Variants in MYOF observed in about 807,000 individuals in gnomAD.
The protein encoded by MYOF is fer-1-like 3, myoferlin.
In MYOF, 244 loss-of-function variants were observed where a neutral mutation model predicts 284.2. The ratio of observed to expected loss-of-function variants is 0.86; its 90% confidence interval spans 0.77 to 0.95. The LOEUF is 0.95. MYOF is among the 40% of genes least tolerant of loss of function. The pLI, the probability that MYOF is intolerant of heterozygous loss-of-function variation, is 0.00. For missense variants in MYOF, 2,496 were observed against 2,560.6 expected, an observed-to-expected ratio of 0.97 and a Z score of 0.54; for synonymous variants, 904 against 919.7, an observed-to-expected ratio of 0.98 and a Z score of 0.31.
At chr10:93,471,448 G>A (rs1482312253) in intron 1 of MYOF, among the ~76,000 whole-genome samples, 1 of 152,156 alleles carries the variant, frequency 6.6e-6, no homozygotes, top group Non-Finnish European at 1.5e-5. Flanking sequence ...AGTTGGTTGT[G>A]TAGTCAGAGG....
intron 12 of MYOF, among the ~76,000 whole-genome samples, chr10:93,400,577 C>A (rs1235956896): frequency 6.6e-6 from 1 of 151,982 alleles, no homozygotes; most frequent in African/African-American, 2.4e-5. Flanking sequence ...AGCAGCAAAT[C>A]CTGAAGAGAT....
Position 93,327,186 on chromosome 10 carries a change from T to C in MYOF, c.5132-1221A>G, listed in dbSNP as rs1843087023. Among the ~76,000 whole-genome samples, 2 of 152,040 alleles carry C rather than the reference T, an allele frequency of 1.3e-5. 1 individual carries two copies. Among genetic ancestry groups the C allele is most frequent in the African/African-American group, 4.8e-5 (2 of 41,288 alleles). On this transcript the variant is annotated intron_variant, in intron 45 of 53. Transcript: ENST00000359263. ...CAGTCTCCCCTGCTGGAAAGGCCTG[T>C]GTAGGTGCTCTGGTCATCAGCCCCA...
At chr10:93,391,439 A>C (rs1424829667) in intron 17 of MYOF, among the ~76,000 whole-genome samples, 2 of 151,508 alleles carry the variant, frequency 1.3e-5, no homozygotes, top group African/African-American at 4.9e-5. Flanking sequence ...TAAAAACACA[A>C]AAAAAATTAG....
At chr10:93,426,209 G>A in intron 4 of MYOF, 51 bp from the exon 5 acceptor site, 1 of 1,525,874 alleles carries the variant, frequency 6.6e-7, no homozygotes, top group South Asian at 1.2e-5. Context: ...GCACCAGCAT[G>A]TTATAGACTC....
At chr10:93,309,048 T>G (rs907160858) in intron 53 of MYOF, among the ~76,000 whole-genome samples, 6 of 152,180 alleles carry the variant, frequency 3.9e-5, no homozygotes, top group African/African-American at 1.4e-4. Flanking sequence ...GTAAGAGCTT[T>G]TGAATGTCTC....
At chr10:93,312,094 C>T (rs907717260) in intron 51 of MYOF, among the ~76,000 whole-genome samples, 1 of 152,164 alleles carries the variant, frequency 6.6e-6, no homozygotes, top group Non-Finnish European at 1.5e-5. Context: ...AAATTATACA[C>T]CAAGGTTGTT....
At chr10:93,439,592 A>C (rs2056182618) in intron 3 of MYOF, among the ~76,000 whole-genome samples, 1 of 152,196 alleles carries the variant, frequency 6.6e-6, no homozygotes, top group Non-Finnish European at 1.5e-5. Context: ...TGACTAATTC[A>C]GACTCAGGCT....
chr10:93,429,098 G>A (rs12263246), intron 4 of MYOF, among the ~76,000 whole-genome samples: 11,668 of 152,202 alleles, frequency 0.077, 1,490 homozygotes, highest in African/African-American at 0.26. Context: ...TCATGGGGGC[G>A]GATCCCTCAC....
chr10:93,403,721 G>A (rs1847410486), intron 9 of MYOF, among the ~76,000 whole-genome samples: 1 of 152,226 alleles, frequency 6.6e-6, no homozygotes, highest in Non-Finnish European at 1.5e-5. Flanking sequence ...AGTGGAGGTA[G>A]ATGGTGGACT....
chr10:93,463,095 TCTCA>T (rs944133848), intron 1 of MYOF, among the ~76,000 whole-genome samples: 29 of 152,182 alleles, frequency 1.9e-4, no homozygotes, highest in African/African-American at 6.0e-4. Flanking sequence ...TACGCCTGCC[TCTCA>T]CTCAGTTCTG....
At chr10:93,351,891 T>G in intron 32 of MYOF, 45 bp from the exon 33 acceptor site, 1 of 1,527,082 alleles carries the variant, frequency 6.5e-7, no homozygotes, top group Non-Finnish European at 8.8e-7. Flanking sequence ...GGCTAAAATC[T>G]AACTCCCCAG....
intron 16 of MYOF, among the ~76,000 whole-genome samples, chr10:93,394,247 A>C (rs787789): frequency 0.96 from 145,492 of 151,722 alleles, 70,059 homozygotes; most frequent in East Asian, 1. Flanking sequence ...GATTACAGAC[A>C]CCTGCCACCA....
At chr10:93,479,386 A>G (rs1255033266) in intron 1 of MYOF, among the ~76,000 whole-genome samples, 3 of 152,148 alleles carry the variant, frequency 2.0e-5, no homozygotes, top group Admixed American at 6.5e-5. Context: ...GTATTTTGCT[A>G]TAAGTATCCT....
At chr10:93,348,657 G>A (rs908535038) in intron 36 of MYOF, among the ~76,000 whole-genome samples, 3 of 148,074 alleles carry the variant, frequency 2.0e-5, no homozygotes, top group Non-Finnish European at 3.0e-5. Flanking sequence ...CCGGTGGCTC[G>A]CCGTCTGTCG....
intron 46 of MYOF, among the ~76,000 whole-genome samples, chr10:93,325,289 T>C (rs1186704840): frequency 1.8e-4 from 28 of 152,196 alleles, no homozygotes; most frequent in Admixed American, 1.8e-3. Flanking sequence ...TGGAGTGGAA[T>C]GTCCCCCATT....
chr10:93,362,797 C>T (rs1020625090), intron 27 of MYOF, among the ~76,000 whole-genome samples: 2 of 151,904 alleles, frequency 1.3e-5, no homozygotes, highest in Non-Finnish European at 2.9e-5. Context: ...GATTATAAAG[C>T]GGGATGATGA....
chr10:93,341,937 T>G, intron 38 of MYOF: 4 of 1,289,800 alleles, frequency 3.1e-6, no homozygotes, highest in Non-Finnish European at 4.0e-6. Context: ...GAGAAGCCAT[T>G]TTGCTGAGTG....
At chr10:93,394,926 GTA>G (rs552591354) in intron 16 of MYOF, among the ~76,000 whole-genome samples, 2 of 150,116 alleles carry the variant, frequency 1.3e-5, no homozygotes, top group African/African-American at 4.9e-5. Flanking sequence ...AGTATTATAT[GTA>G]TATATATAAT....
At chr10:93,478,169 T>A (rs2057307016) in intron 1 of MYOF, 1 of 280,590 alleles carries the variant, frequency 3.6e-6, no homozygotes, top group African/African-American at 2.3e-5. Flanking sequence ...ATTAAAAAGT[T>A]TTTTAACAAC....
Sources: allele counts gnomAD v4.1 joint callset (sites outside exome capture counted in the v4.1 genomes callset), GRCh38; gene constraint gnomAD v4.1.1; transcripts MANE v1.5; gene names NCBI Gene and HGNC (gene_info 2026-07-23, HGNC 2026-07-21).